Variants in DENND1A observed in about 807,000 individuals in gnomAD.
DENND1A encodes the protein DENN domain-containing protein 1A.
In DENND1A, 51 loss-of-function variants were observed where a neutral mutation model predicts 113.7. The ratio of observed to expected loss-of-function variants is 0.45; its 90% CI spans 0.36 to 0.57. The LOEUF (loss-of-function observed/expected upper bound fraction) is 0.57. DENND1A is among the 20% of genes least tolerant of loss of function. The pLI, the probability that DENND1A is intolerant of heterozygous loss-of-function variation, is 0.00. For synonymous variants in DENND1A, 565 were observed against 570.8 expected, an observed-to-expected ratio of 0.99 and a Z score of 0.14; for missense variants, 1,258 against 1,395.9, an observed-to-expected ratio of 0.90 and a Z score of 1.57.
At chr9:123,593,944 C>T (rs1253892624) in intron 11 of DENND1A, among the ~76,000 whole-genome samples, 1 of 152,104 alleles carries the variant, frequency 6.6e-6, no homozygotes. Context: ...AAGTGTGTAG[C>T]ATTCCCCTCT....
chr9:123,580,561 T>C (rs1023872890), intron 12 of DENND1A, among the ~76,000 whole-genome samples: 7 of 152,262 alleles, frequency 4.6e-5, no homozygotes, highest in African/African-American at 1.7e-4. Flanking sequence ...CATCTCATGC[T>C]GCCCCAGGGC....
intron 19 of DENND1A, among the ~76,000 whole-genome samples, chr9:123,436,173 T>C (rs2046502696): frequency 6.6e-6 from 1 of 152,214 alleles, no homozygotes; most frequent in African/African-American, 2.4e-5. Context: ...AGGCACCCTC[T>C]TGTTCAACCC....
At chr9:123,688,080 T>C (rs1014726727) in intron 5 of DENND1A, among the ~76,000 whole-genome samples, 8 of 152,214 alleles carry the variant, frequency 5.3e-5, no homozygotes, top group Non-Finnish European at 1.0e-4. Flanking sequence ...ATTTACCAAA[T>C]GCCAGGAGCA....
intron 19 of DENND1A, among the ~76,000 whole-genome samples, chr9:123,415,492 G>A (rs1012357171): frequency 1.4e-4 from 21 of 152,212 alleles, no homozygotes; most frequent in Non-Finnish European, 2.9e-5. Context: ...TGCCAGGAGT[G>A]TGCAGGCCCT....
At chr9:123,508,085 C>T (rs2053126580) in intron 13 of DENND1A, among the ~76,000 whole-genome samples, 1 of 152,138 alleles carries the variant, frequency 6.6e-6, no homozygotes, top group Non-Finnish European at 1.5e-5. Flanking sequence ...TCCCAGATAA[C>T]ACAGGCAAAG....
intron 1 of DENND1A, among the ~76,000 whole-genome samples, chr9:123,900,867 A>G (rs530996651): frequency 5.0e-4 from 76 of 152,320 alleles, no homozygotes; most frequent in African/African-American, 1.7e-3. Flanking sequence ...TCATCTGTAA[A>G]ATGGGGATCT....
chr9:123,863,630 A>G (rs1363208405), intron 2 of DENND1A, among the ~76,000 whole-genome samples: 1 of 152,178 alleles, frequency 6.6e-6, no homozygotes, highest in Non-Finnish European at 1.5e-5. Context: ...GTTGTACTAA[A>G]TTGTATTACC....
In DENND1A at chr9:123,384,973, AAAACAAAAAAAC is replaced by A. The variant is rs202121333; in HGVS notation, c.1761-1072_1761-1061del. On this transcript the variant is annotated intron_variant, in intron 22 of 23. Coordinates refer to ENST00000394215, the MANE Select transcript of DENND1A (RefSeq NM_001352964.2). ...AAAACAAAAAAGCAAAAAACAAAACAAAACAAAAAAACAAACAAAAAACCCCACACCACTACT... is the reference window on the plus strand; with the variant it reads ...AAAACAAAAAAGCAAAAAACAAAACAAAACAAAAAACCCCACACCACTACT... Among the ~76,000 whole-genome samples the A allele has an allele frequency of 2.5e-3, 385 of 152,262 alleles. 1 individual carries two copies. Among genetic ancestry groups the A allele is most frequent in the African/African-American group, 9.0e-3 (373 of 41,538 alleles).
At chr9:123,738,443 C>G (rs10986096) in intron 5 of DENND1A, among the ~76,000 whole-genome samples, 10,846 of 143,402 alleles carry the variant, frequency 0.076, 534 homozygotes, top group African/African-American at 0.14. Flanking sequence ...TCAACAGCTT[C>G]TGTGTGTGTG....
rs372085584 is a variant in DENND1A, at chr9:123,417,140, G to A, written c.1489-5311C>T. Among the ~76,000 whole-genome samples the A allele has an allele frequency of 1.3e-3, 194 of 152,320 alleles. 1 individual carries two copies. Among genetic ancestry groups the A allele is most frequent in the African/African-American group, 3.5e-3 (146 of 41,574 alleles). ...GCAAAACTCCCAGGTTACAAGCATC[G>A]GTGTGAGGATGAGAGTACAGTTACA... is the stretch of plus-strand genomic sequence containing the variant. On this transcript the variant is annotated intron_variant, in intron 19 of 23. Transcript: ENST00000394215.
intron 1 of DENND1A, chr9:123,928,613 G>C (rs2134253235): frequency 1.0e-6 from 1 of 985,372 alleles, no homozygotes; most frequent in Non-Finnish European, 1.2e-6. Flanking sequence ...AACTTTTCTA[G>C]TTTCATTCAG....
intron 5 of DENND1A, among the ~76,000 whole-genome samples, chr9:123,715,458 C>T (rs1488026309): frequency 6.6e-6 from 1 of 152,194 alleles, no homozygotes; most frequent in East Asian, 1.9e-4. Flanking sequence ...TTTCTTCATT[C>T]ATTCACCCAC....
chr9:123,730,176 A>G (rs901542536), intron 5 of DENND1A, among the ~76,000 whole-genome samples: 52 of 152,224 alleles, frequency 3.4e-4, no homozygotes, highest in African/African-American at 1.2e-3. Flanking sequence ...TCTAGACAAT[A>G]CCATTCAGGA....
At chr9:123,836,839 C>T (rs1232335446) in intron 2 of DENND1A, among the ~76,000 whole-genome samples, 1 of 152,060 alleles carries the variant, frequency 6.6e-6, no homozygotes, top group African/African-American at 2.4e-5. Flanking sequence ...CTTTCTGTTT[C>T]ATTTAACAGA....
chr9:123,463,296 G>C (rs1222588735), intron 13 of DENND1A, among the ~76,000 whole-genome samples: 1 of 152,188 alleles, frequency 6.6e-6, no homozygotes, highest in African/African-American at 2.4e-5. Context: ...TTATCTTCTT[G>C]ACATATGGAA....
chr9:123,920,849 A>C (rs962744506), intron 1 of DENND1A, among the ~76,000 whole-genome samples: 1 of 152,070 alleles, frequency 6.6e-6, no homozygotes, highest in African/African-American at 2.4e-5. Context: ...ATGAGATTAC[A>C]GGTGTGAGCT....
At chr9:123,773,768 A>C (rs1830069323) in intron 3 of DENND1A, among the ~76,000 whole-genome samples, 1 of 152,224 alleles carries the variant, frequency 6.6e-6, no homozygotes, top group African/African-American at 2.4e-5. Flanking sequence ...AATAAATGCC[A>C]TCTGAAAGAT....
At chr9:123,695,565 C>A (rs2065460164) in intron 5 of DENND1A, among the ~76,000 whole-genome samples, 1 of 152,064 alleles carries the variant, frequency 6.6e-6, no homozygotes, top group South Asian at 2.1e-4. Flanking sequence ...TGGTCATAAA[C>A]CATTGACTGA....
At chr9:123,524,284 T>C (rs905542294) in intron 13 of DENND1A, among the ~76,000 whole-genome samples, 2 of 152,238 alleles carry the variant, frequency 1.3e-5, no homozygotes, top group African/African-American at 4.8e-5. Context: ...AAACGAATCA[T>C]GCTGTCAACA....
Sources: allele counts gnomAD v4.1 joint callset (sites outside exome capture counted in the v4.1 genomes callset), GRCh38; gene constraint gnomAD v4.1.1; transcripts MANE v1.5; gene names NCBI Gene and HGNC (gene_info 2026-07-23, HGNC 2026-07-21).